Variants in ROR1 observed in about 807,000 individuals in gnomAD.
The protein encoded by ROR1 is ROR family WNT receptor 1.
A neutral mutation model predicts 78.8 loss-of-function variants in ROR1; 19 were observed. The ratio of observed to expected loss-of-function variants is 0.24; its 90% CI spans 0.17 to 0.35. The LOEUF (loss-of-function observed/expected upper bound fraction) is 0.35, where lower values mean the gene tolerates loss of function less well. Ranked by LOEUF, ROR1 falls within the 10% of genes least tolerant of loss-of-function variation. The pLI is 1.00. For missense variants in ROR1, 917 were observed against 1,177.8 expected (o/e 0.78, Z 3.24); for synonymous variants, 386 against 433.6 (o/e 0.89, Z 1.36).
chr1:63,816,085 A>G (rs768110537), intron 1 of ROR1, among the ~76,000 whole-genome samples: 39 of 152,118 alleles, frequency 2.6e-4, no homozygotes, highest in Non-Finnish European at 5.3e-4. Context: ...GCAACCAAAC[A>G]TTTGCTGTGT....
At chr1:64,031,182 T>C (rs1262248885) in intron 2 of ROR1, among the ~76,000 whole-genome samples, 1 of 152,222 alleles carries the variant, frequency 6.6e-6, no homozygotes, top group Admixed American at 6.5e-5. Context: ...TCAGTTAGTA[T>C]TTATGAAGCT....
chr1:63,775,263 A>G lies in ROR1; in HGVS notation c.91+755A>G, dbSNP rs535603635. 2.0e-5 allele frequency: 3 copies of G among 152,318 alleles called. No individual in the cohort carries two copies. The East Asian group carries it at 5.8e-4, about 29-fold the overall frequency. The allele number at this position is 152,318 out of a possible 1,614,324, so 9.4% of individuals were successfully genotyped here. ...TATTTGATTTTGGTAATCTCTAAAG[A>G]CAATCGCAACAGTTAGAGAAAGACT... is the stretch of plus-strand genomic sequence containing the variant. On this transcript the variant is annotated intron_variant, in intron 1 of 8. Coordinates refer to ENST00000371079, the MANE Select transcript of ROR1 (RefSeq NM_005012.4).
At chr1:64,097,684 G>A (rs1443191971) in intron 4 of ROR1, among the ~76,000 whole-genome samples, 1 of 151,926 alleles carries the variant, frequency 6.6e-6, no homozygotes, top group African/African-American at 2.4e-5. Context: ...AAAGAATAAG[G>A]TGAAGCAAAT....
intron 1 of ROR1, among the ~76,000 whole-genome samples, chr1:63,958,425 A>AT (rs2100481252): frequency 6.6e-6 from 1 of 152,290 alleles, no homozygotes; most frequent in South Asian, 2.1e-4. Context: ...TGGCAGTTAA[A>AT]TTTTCAATTC....
At chr1:63,796,137 G>A (rs986569719) in intron 1 of ROR1, among the ~76,000 whole-genome samples, 1 of 151,466 alleles carries the variant, frequency 6.6e-6, no homozygotes, top group Non-Finnish European at 1.5e-5. Context: ...AAGGACGATG[G>A]GATTTTTTTT....
intron 1 of ROR1, among the ~76,000 whole-genome samples, chr1:63,814,243 A>G (rs1038420935): frequency 1.7e-4 from 26 of 152,302 alleles, no homozygotes; most frequent in Admixed American, 9.8e-4. Flanking sequence ...GTCGTTCATC[A>G]AAATCTCAGA....
At chr1:64,149,892 CA>C (rs1384794648) in intron 7 of ROR1, among the ~76,000 whole-genome samples, 1 of 152,166 alleles carries the variant, frequency 6.6e-6, no homozygotes, top group East Asian at 1.9e-4. Flanking sequence ...TGGAAACTGT[CA>C]ATACCTCTGA....
intron 1 of ROR1, among the ~76,000 whole-genome samples, chr1:63,893,501 G>A (rs1385820609): frequency 1.3e-5 from 2 of 152,196 alleles, no homozygotes; most frequent in Non-Finnish European, 2.9e-5. Context: ...GAATAGAAAA[G>A]AGGCTGATTT....
chr1:64,158,103 A>G (rs139317688), intron 7 of ROR1, among the ~76,000 whole-genome samples: 65 of 152,358 alleles, frequency 4.3e-4, no homozygotes, highest in African/African-American at 1.5e-3. Flanking sequence ...TTTGGTTTCA[A>G]TGGTTAGGCT....
chr1:64,133,568 C>T (rs926468645), intron 4 of ROR1, among the ~76,000 whole-genome samples: 1 of 152,196 alleles, frequency 6.6e-6, no homozygotes, highest in Non-Finnish European at 1.5e-5. Flanking sequence ...TAGAGGCTGG[C>T]AACATGGTAA....
At chr1:63,865,119 A>G (rs1645207099) in intron 1 of ROR1, among the ~76,000 whole-genome samples, 1 of 152,206 alleles carries the variant, frequency 6.6e-6, no homozygotes, top group South Asian at 2.1e-4. Flanking sequence ...CAGGCAATTT[A>G]GCTTCATAGA....
At chr1:64,027,391 C>A (rs995103536) in intron 2 of ROR1, among the ~76,000 whole-genome samples, 1 of 152,168 alleles carries the variant, frequency 6.6e-6, no homozygotes, top group Non-Finnish European at 1.5e-5. Context: ...ATTTCTCAAC[C>A]TAAATTATCT....
chr1:64,158,789 T>C (rs1190348222), intron 7 of ROR1, among the ~76,000 whole-genome samples, 192 bp from the exon 8 acceptor site: 1 of 152,254 alleles, frequency 6.6e-6, no homozygotes, highest in African/African-American at 2.4e-5. Context: ...CTTTAAACTT[T>C]TAAACTTCAA....
chr1:63,855,668 G>C (rs77398216), intron 1 of ROR1, among the ~76,000 whole-genome samples: 1 of 124,258 alleles, frequency 8.0e-6, no homozygotes, highest in African/African-American at 3.0e-5. Flanking sequence ...TTTTTTTTTT[G>C]AGACGTAGTC....
intron 4 of ROR1, among the ~76,000 whole-genome samples, chr1:64,131,680 T>C (rs1648917592): frequency 6.6e-6 from 1 of 152,200 alleles, no homozygotes; most frequent in Admixed American, 6.5e-5. Flanking sequence ...AGTGATGTGA[T>C]CATGGCTAAC....
chr1:63,821,215 T>C (rs1381962021), intron 1 of ROR1, among the ~76,000 whole-genome samples: 1 of 152,206 alleles, frequency 6.6e-6, no homozygotes, highest in Non-Finnish European at 1.5e-5. Flanking sequence ...CCTTATTTCA[T>C]TGATGAGCTT....
At chr1:63,885,605 G>A (rs1645351694) in intron 1 of ROR1, among the ~76,000 whole-genome samples, 1 of 152,144 alleles carries the variant, frequency 6.6e-6, no homozygotes, top group Admixed American at 6.6e-5. Flanking sequence ...GGAAAGAGGA[G>A]AGAGACCAGT....
At chr1:64,021,184 T>C (rs539861047) in intron 2 of ROR1, among the ~76,000 whole-genome samples, 1 of 152,218 alleles carries the variant, frequency 6.6e-6, no homozygotes, top group Non-Finnish European at 1.5e-5. Flanking sequence ...AGACGAACTC[T>C]GGCCGTTGGA....
chr1:63,957,934 G>A (rs565278516), intron 1 of ROR1, among the ~76,000 whole-genome samples: 2 of 152,032 alleles, frequency 1.3e-5, no homozygotes, highest in South Asian at 4.2e-4. Context: ...AGTAGAGATG[G>A]GGTTTCACCA....
Sources: gnomAD v4.1 joint callset for allele counts (sites outside exome capture counted in the v4.1 genomes callset) on GRCh38, gnomAD v4.1.1 for gene constraint, MANE v1.5 for transcripts, NCBI Gene and HGNC (gene_info 2026-07-23, HGNC 2026-07-21) for gene names.